Variants in RASGRP1 observed in about 807,000 individuals in gnomAD.
The protein encoded by RASGRP1 is RAS guanyl releasing protein 1, also known as RAS guanyl-releasing protein 1.
In RASGRP1, 37 loss-of-function variants were observed where a neutral mutation model predicts 95.1. The ratio of observed to expected loss-of-function variants is 0.39; its 90% CI spans 0.30 to 0.51. The LOEUF (loss-of-function observed/expected upper bound fraction) is 0.51, where lower values mean the gene tolerates loss of function less well. Among genes scored for constraint, RASGRP1 ranks in the 20% least tolerant of loss-of-function variants. The pLI, the probability that RASGRP1 is intolerant of heterozygous loss-of-function variation, is 0.80. For synonymous variants in RASGRP1, 325 were observed against 353.4 expected, an observed-to-expected ratio of 0.92 and a Z score of 0.90; for missense variants, 711 against 965.4, an observed-to-expected ratio of 0.74 and a Z score of 3.49.
intron 1 of RASGRP1, among the ~76,000 whole-genome samples, chr15:38,563,511 C>T (rs994430432): frequency 6.6e-6 from 1 of 152,126 alleles, no homozygotes; most frequent in African/African-American, 2.4e-5. Context: ...ATGAAATCCG[C>T]CTAGAAAAGT....
chr15:38,563,793 A>C (rs994481277), intron 1 of RASGRP1, among the ~76,000 whole-genome samples: 1 of 152,174 alleles, frequency 6.6e-6, no homozygotes, highest in Non-Finnish European at 1.5e-5. Context: ...CCAGCATCGC[A>C]AGCTTCCTGC....
chr15:38,493,175 G>A (rs952329085), intron 16 of RASGRP1, among the ~76,000 whole-genome samples: 30 of 141,404 alleles, frequency 2.1e-4, no homozygotes, highest in South Asian at 6.8e-4. Context: ...CCACCACGCC[G>A]GGCCTTTTTT....
At chr15:38,564,549 GA>G in intron 1 of RASGRP1, 44 bp downstream of exon 1, 2 of 1,336,966 alleles carry the variant, frequency 1.5e-6, no homozygotes, top group South Asian at 4.2e-5. Flanking sequence ...TCTTTCCCAA[GA>G]AAGGACACAG....
At chr15:38,516,745 C>G (rs542669261) in intron 5 of RASGRP1, among the ~76,000 whole-genome samples, 1 of 151,794 alleles carries the variant, frequency 6.6e-6, no homozygotes, top group Admixed American at 6.6e-5. Flanking sequence ...TAGGGACTCT[C>G]TATCTGGTTG....
chr15:38,517,448 C>T (rs1015222748), intron 5 of RASGRP1, among the ~76,000 whole-genome samples: 4 of 152,110 alleles, frequency 2.6e-5, no homozygotes, highest in Non-Finnish European at 2.9e-5. Flanking sequence ...AACTGATAAA[C>T]AGACTTATTT....
intron 9 of RASGRP1, among the ~76,000 whole-genome samples, chr15:38,506,830 C>T (rs955400697): frequency 4.6e-5 from 7 of 152,036 alleles, no homozygotes; most frequent in African/African-American, 1.7e-4. Context: ...AGAAGGTTCA[C>T]AGCTTTCATC....
At chr15:38,521,319 T>G (rs1891991237) in intron 3 of RASGRP1, among the ~76,000 whole-genome samples, 1 of 152,210 alleles carries the variant, frequency 6.6e-6, no homozygotes, top group Non-Finnish European at 1.5e-5. Flanking sequence ...CACTTCTGTT[T>G]TAAAGCTAAG....
chr15:38,549,676 T>TTTCCCTCTGCTTCCCTCC (rs1893250508), intron 2 of RASGRP1, among the ~76,000 whole-genome samples: 2 of 152,198 alleles, frequency 1.3e-5, no homozygotes, highest in Admixed American at 1.3e-4. Flanking sequence ...TGCTTCCCTC[T>TTTCCCTCTGCTTCCCTCC]TCCCCCTCTA....
Position 38,489,039 on chromosome 15 carries a change from C to T in RASGRP1, c.*1515G>A, listed in dbSNP as rs1378715304. The T allele has an allele frequency of 6.6e-6, 1 of 151,928 alleles. No individual in the cohort carries two copies. Among genetic ancestry groups the T allele is most frequent in the Non-Finnish European group, 1.5e-5 (1 of 67,876 alleles). The allele number at this position is 151,928 out of a possible 1,614,324, so 9.4% of individuals were successfully genotyped here. ...ACTGATCTTTCATCAAAGAGAATTC[C>T]TAAATGATCTGAATCCTCCAGGTAA... On this transcript the variant is annotated 3_prime_UTR_variant, in exon 17 of 17. Coordinates refer to ENST00000310803, the MANE Select transcript of RASGRP1 (RefSeq NM_005739.4).
At chr15:38,492,831 G>GGCTGTTGGCTCTTTTTCCTTCT (rs1210772989) in intron 16 of RASGRP1, among the ~76,000 whole-genome samples, 2 of 151,732 alleles carry the variant, frequency 1.3e-5, no homozygotes, top group African/African-American at 4.8e-5. Context: ...CTTGACAGTT[G>GGCTGTTGGCTCTTTTTCCTTCT]GCTGTTGGCT....
At position 38,564,634 on chromosome 15, in the gene RASGRP1, C is replaced by T; in HGVS notation, c.-6G>A. On this transcript the variant is annotated 5_prime_UTR_variant, in exon 1 of 17. Coordinates refer to ENST00000310803, the MANE Select transcript of RASGRP1 (RefSeq NM_005739.4). ...GCCTTGCCCAGGGTGCCCATGGCCGCGGCCCGCGCTCCCGGTGCCGGCTCA... is the reference window on the plus strand; with the variant it reads ...GCCTTGCCCAGGGTGCCCATGGCCGTGGCCCGCGCTCCCGGTGCCGGCTCA... 1 of 1,337,552 alleles carries T rather than the reference C, an allele frequency of 7.5e-7. No individual in the cohort carries two copies. The highest frequency in any genetic ancestry group is 3.0e-5 in the Admixed American group (1 of 33,532). The allele number at this position is 1,337,552 out of a possible 1,614,324, so 82.9% of individuals were successfully genotyped here.
At chr15:38,511,557 A>C in intron 8 of RASGRP1, 47 bp downstream of exon 8, 1 of 1,436,696 alleles carries the variant, frequency 7.0e-7, no homozygotes. Context: ...GTTGGCACAC[A>C]TCTTGAGAAT....
intron 2 of RASGRP1, among the ~76,000 whole-genome samples, chr15:38,541,418 T>C (rs768604398): frequency 4.6e-5 from 7 of 152,038 alleles, no homozygotes; most frequent in Admixed American, 2.0e-4. Flanking sequence ...CAGCAGGACC[T>C]CATCTCTACT....
At chr15:38,551,781 C>T (rs1011732771) in intron 2 of RASGRP1, among the ~76,000 whole-genome samples, 6 of 152,020 alleles carry the variant, frequency 3.9e-5, no homozygotes, top group Non-Finnish European at 4.4e-5. Flanking sequence ...AGCTTTTGCA[C>T]GCCTCTAATA....
intron 1 of RASGRP1, among the ~76,000 whole-genome samples, chr15:38,562,465 C>T (rs1893849767): frequency 6.6e-6 from 1 of 152,206 alleles, no homozygotes; most frequent in South Asian, 2.1e-4. Flanking sequence ...CCTTCCCTTC[C>T]TGGAAGCACT....
In RASGRP1 at chr15:38,488,649, G is replaced by A. The variant is rs1374281176; in HGVS notation, c.*1905C>T. 2 of 151,848 alleles carry A rather than the reference G, an allele frequency of 1.3e-5. No homozygotes were observed. Among genetic ancestry groups the A allele is most frequent in the African/African-American group, 2.4e-5 (1 of 41,384 alleles). 9.4% of individuals were successfully genotyped at this position (151,848 alleles called of 1,614,324 possible). Reference sequence around the variant, plus strand: ...ATTATTTATATAAAAACTAACTGGGGATCTTTACTTCGAATGGAGAGGAGG... The same window carrying A: ...ATTATTTATATAAAAACTAACTGGGAATCTTTACTTCGAATGGAGAGGAGG... On this transcript the variant is annotated 3_prime_UTR_variant, in exon 17 of 17. Transcript: ENST00000310803.
chr15:38,552,843 T>C (rs567181541), intron 2 of RASGRP1, among the ~76,000 whole-genome samples: 84 of 152,294 alleles, frequency 5.5e-4, no homozygotes, highest in African/African-American at 1.9e-3. Context: ...TAGGAGATAA[T>C]GAAATAATTT....
At chr15:38,538,376 A>G (rs1892741585) in intron 2 of RASGRP1, among the ~76,000 whole-genome samples, 1 of 152,240 alleles carries the variant, frequency 6.6e-6, no homozygotes, top group African/African-American at 2.4e-5. Flanking sequence ...GAAACTAACA[A>G]TGTTGTTACT....
At chr15:38,562,638 C>A (rs1595889382) in intron 1 of RASGRP1, among the ~76,000 whole-genome samples, 1 of 152,210 alleles carries the variant, frequency 6.6e-6, no homozygotes, top group Non-Finnish European at 1.5e-5. Context: ...TTCTCTCAGG[C>A]CTTCCACAAT....
Sources: gnomAD v4.1 joint callset for allele counts (sites outside exome capture counted in the v4.1 genomes callset) on GRCh38, gnomAD v4.1.1 for gene constraint, MANE v1.5 for transcripts, NCBI Gene and HGNC (gene_info 2026-07-23, HGNC 2026-07-21) for gene names.